BICC1: variants seen among roughly 807,000 people sequenced by gnomAD.
BICC1 encodes protein bicaudal C homolog 1.
A neutral mutation model predicts 111.0 loss-of-function variants in BICC1; 43 were observed. The ratio of observed to expected loss-of-function variants is 0.39; its 90% CI spans 0.30 to 0.50. BICC1 has a LOEUF of 0.50. Ranked by LOEUF, BICC1 falls within the 20% of genes least tolerant of loss-of-function variation. The pLI is 0.88. For synonymous variants in BICC1, 467 were observed against 434.4 expected, an observed-to-expected ratio of 1.07 and a Z score of -0.93; for missense variants, 1,091 against 1,203.2, an observed-to-expected ratio of 0.91 and a Z score of 1.38.
Position 58,659,645 on chromosome 10 carries a change from C to A in BICC1, c.237+38744C>A, listed in dbSNP as rs1351156864. Among the ~76,000 whole-genome samples, 7 of 152,204 alleles carry A rather than the reference C, an allele frequency of 4.6e-5. No homozygotes were observed. The East Asian group carries it at 1.4e-3, about 29-fold the overall frequency. ...TACCTGGGTGGTGAACTTACTGGTA[C>A]ACGGAACGCGCATGACACACAGTTT... On this transcript the variant is annotated intron_variant, in intron 2 of 20. Coordinates refer to ENST00000373886, the MANE Select transcript of BICC1 (RefSeq NM_001080512.3).
chr10:58,753,176 T>C (rs1842039482), intron 3 of BICC1, among the ~76,000 whole-genome samples: 1 of 152,150 alleles, frequency 6.6e-6, no homozygotes, highest in Non-Finnish European at 1.5e-5. Context: ...GTTGTTGTTG[T>C]TGTTGAGATA....
intron 20 of BICC1, among the ~76,000 whole-genome samples, chr10:58,821,473 T>G (rs72804440): frequency 0.02 from 2,984 of 152,236 alleles, 86 homozygotes; most frequent in African/African-American, 0.057. Flanking sequence ...TTCCATTTTA[T>G]TTTAGCGGCA....
At chr10:58,612,160 A>G (rs1173054766) in intron 1 of BICC1, among the ~76,000 whole-genome samples, 1 of 152,224 alleles carries the variant, frequency 6.6e-6, no homozygotes, top group Non-Finnish European at 1.5e-5. Flanking sequence ...AGAGTATTTT[A>G]ATGATGACTA....
intron 2 of BICC1, among the ~76,000 whole-genome samples, chr10:58,654,611 A>G (rs1171012252): frequency 1.1e-5 from 1 of 87,148 alleles, no homozygotes. Context: ...GGTTGCGACA[A>G]TTTTCTCCCA....
chr10:58,554,277 A>T (rs1843380465), intron 1 of BICC1, among the ~76,000 whole-genome samples: 2 of 152,128 alleles, frequency 1.3e-5, no homozygotes, highest in African/African-American at 4.8e-5. Flanking sequence ...GATGAGCTCT[A>T]TTAGCTTATC....
intron 2 of BICC1, among the ~76,000 whole-genome samples, chr10:58,625,643 T>C (rs1443558047): frequency 6.6e-6 from 1 of 152,192 alleles, no homozygotes; most frequent in Non-Finnish European, 1.5e-5. Context: ...ATTGATGGCT[T>C]ATGTGGTTTA....
chr10:58,532,803 A>C (rs998656075), intron 1 of BICC1, among the ~76,000 whole-genome samples: 15 of 151,894 alleles, frequency 9.9e-5, no homozygotes, highest in African/African-American at 3.6e-4. Flanking sequence ...TTAGCTGCAC[A>C]CAAGAGCTTT....
In BICC1 at chr10:58,537,031, C is replaced by T. The variant is rs1276098028; in HGVS notation, c.190+23698C>T. 4.6e-5 allele frequency among the ~76,000 whole-genome samples: 7 copies of T among 151,472 alleles called. 1 individual carries two copies. Among genetic ancestry groups the T allele is most frequent in the African/African-American group, 7.3e-5 (3 of 41,340 alleles). ...ATAGAAATCCTAAACAGACCAATAA[C>T]AGGCTGTCAGATTGAATCAGGTAAA... is the stretch of plus-strand genomic sequence containing the variant. On this transcript the variant is annotated intron_variant, in intron 1 of 20. Coordinates refer to ENST00000373886, the MANE Select transcript of BICC1 (RefSeq NM_001080512.3).
chr10:58,648,343 T>G (rs751995698), intron 2 of BICC1, among the ~76,000 whole-genome samples: 3 of 152,208 alleles, frequency 2.0e-5, no homozygotes, highest in Non-Finnish European at 4.4e-5. Context: ...GCTTCACCCT[T>G]GTACTGATCC....
intron 3 of BICC1, among the ~76,000 whole-genome samples, chr10:58,756,282 G>C (rs1842142557): frequency 6.6e-6 from 1 of 151,916 alleles, no homozygotes; most frequent in South Asian, 2.1e-4. Flanking sequence ...GCATTTCCAC[G>C]TAGACTGCGT....
At chr10:58,521,566 C>A (rs1001992236) in intron 1 of BICC1, among the ~76,000 whole-genome samples, 4 of 152,062 alleles carry the variant, frequency 2.6e-5, no homozygotes, top group Non-Finnish European at 4.4e-5. Context: ...GACAACAAAT[C>A]TGCAGGGTAA....
chr10:58,644,035 A>T (rs1002604786), intron 2 of BICC1, among the ~76,000 whole-genome samples: 2 of 152,236 alleles, frequency 1.3e-5, no homozygotes, highest in East Asian at 3.9e-4. Flanking sequence ...AAAGTTAGAA[A>T]TTTTTTTGGA....
intron 2 of BICC1, among the ~76,000 whole-genome samples, chr10:58,626,454 AC>A (rs1228053185): frequency 6.6e-6 from 1 of 152,230 alleles, no homozygotes; most frequent in African/African-American, 2.4e-5. Flanking sequence ...CTAGAAAGTT[AC>A]TAAAGATGAG....
At chr10:58,684,002 G>A (rs1468348460) in intron 2 of BICC1, among the ~76,000 whole-genome samples, 2 of 152,196 alleles carry the variant, frequency 1.3e-5, no homozygotes, top group Non-Finnish European at 2.9e-5. Context: ...TATAAAATTG[G>A]CTGTGGATTT....
chr10:58,699,422 A>T (rs373889322), intron 2 of BICC1, among the ~76,000 whole-genome samples: 1 of 152,200 alleles, frequency 6.6e-6, no homozygotes, highest in Admixed American at 6.5e-5. Flanking sequence ...ATTTTCTGTC[A>T]TGGGCATCTA....
chr10:58,539,796 A>G (rs563724233), intron 1 of BICC1, among the ~76,000 whole-genome samples: 25 of 152,050 alleles, frequency 1.6e-4, no homozygotes, highest in Admixed American at 1.0e-3. Context: ...TAACAGATAC[A>G]TACAGAACAC....
chr10:58,604,807 T>C (rs77118809), intron 1 of BICC1, among the ~76,000 whole-genome samples: 1 of 152,212 alleles, frequency 6.6e-6, no homozygotes, highest in South Asian at 2.1e-4. Flanking sequence ...CTGGATAGCT[T>C]ATAAACAGAA....
chr10:58,620,841 A>C lies in BICC1; in HGVS notation c.191-14A>C, dbSNP rs377709944. On this transcript the variant is annotated splice_polypyrimidine_tract_variant and intron_variant, in intron 1 of 20. Transcript: ENST00000373886. ...TTGAAAAAGTATTTTAAATGTGCAC[A>C]TTTTTATTTACAGCTGCTGCTGAAG... 27 of 1,609,666 alleles carry C rather than the reference A, an allele frequency of 1.7e-5. No individual in the cohort carries two copies. Among genetic ancestry groups the C allele is most frequent in the Non-Finnish European group, 2.0e-5 (24 of 1,178,946 alleles).
At chr10:58,750,061 T>C (rs377435283) in intron 3 of BICC1, among the ~76,000 whole-genome samples, 2 of 152,136 alleles carry the variant, frequency 1.3e-5, no homozygotes, top group African/African-American at 4.8e-5. Context: ...ATAAAGACTC[T>C]AGAGCAAAAT....
Sources: gnomAD v4.1 joint callset for allele counts (sites outside exome capture counted in the v4.1 genomes callset) on GRCh38, gnomAD v4.1.1 for gene constraint, MANE v1.5 for transcripts, NCBI Gene and HGNC (gene_info 2026-07-23, HGNC 2026-07-21) for gene names.